The following ZNF385D variants were observed in gnomAD, a reference collection of about 807,000 sequenced individuals.
ZNF385D encodes zinc finger protein 659.
ZNF385D carries 15 observed loss-of-function variants against 35.8 expected under a neutral mutation model. The observed-to-expected ratio is 0.42, with a 90% CI of 0.28 to 0.64. ZNF385D has a LOEUF of 0.64. ZNF385D is among the 30% of genes least tolerant of loss of function. ZNF385D has a pLI of 0.23. For synonymous variants in ZNF385D, 212 were observed against 186.8 expected, an observed-to-expected ratio of 1.13 and a Z score of -1.10; for missense variants, 474 against 494.6, an observed-to-expected ratio of 0.96 and a Z score of 0.39.
chr3:22,361,150 C>T (rs1282346601), intron 2 of ZNF385D, among the ~76,000 whole-genome samples: 1 of 151,964 alleles, frequency 6.6e-6, no homozygotes, highest in African/African-American at 2.4e-5. Context: ...GATGTAAAAA[C>T]AAATTCATTG....
chr3:22,116,049 C>T (rs775648813), intron 3 of ZNF385D, among the ~76,000 whole-genome samples: 116 of 152,010 alleles, frequency 7.6e-4, no homozygotes, highest in Non-Finnish European at 1.2e-3. Flanking sequence ...TTCCTGTGTT[C>T]ATATAAAAAG....
At chr3:21,849,961 C>T (rs1292331123) in intron 3 of ZNF385D, among the ~76,000 whole-genome samples, 1 of 151,940 alleles carries the variant, frequency 6.6e-6, no homozygotes, top group Non-Finnish European at 1.5e-5. Context: ...CCATGCTAGT[C>T]TCGAACTCCT....
intron 3 of ZNF385D, among the ~76,000 whole-genome samples, chr3:21,935,270 T>A (rs1701203908): frequency 6.6e-6 from 1 of 152,150 alleles, no homozygotes; most frequent in African/African-American, 2.4e-5. Context: ...TATAAGAACA[T>A]CATTTCAATA....
At chr3:22,112,467 G>A (rs184719259) in intron 3 of ZNF385D, among the ~76,000 whole-genome samples, 10 of 152,054 alleles carry the variant, frequency 6.6e-5, no homozygotes, top group Admixed American at 2.0e-4. Context: ...TTACCAAATC[G>A]TACCAGTAAT....
At chr3:21,972,237 G>T (rs957775729) in intron 3 of ZNF385D, among the ~76,000 whole-genome samples, 1 of 151,926 alleles carries the variant, frequency 6.6e-6, no homozygotes, top group African/African-American at 2.4e-5. Context: ...AGAAGAAATT[G>T]TATCAAGTAT....
At chr3:22,288,756 G>C (rs900561566) in intron 2 of ZNF385D, among the ~76,000 whole-genome samples, 2 of 151,884 alleles carry the variant, frequency 1.3e-5, no homozygotes, top group Admixed American at 6.6e-5. Flanking sequence ...CTTTCATTTG[G>C]AACATATTTC....
intron 3 of ZNF385D, among the ~76,000 whole-genome samples, chr3:21,994,202 G>C (rs1297338991): frequency 6.6e-6 from 1 of 152,012 alleles, no homozygotes; most frequent in African/African-American, 2.4e-5. Flanking sequence ...TTTGGTGTTA[G>C]TTGGGTCATT....
intron 3 of ZNF385D, among the ~76,000 whole-genome samples, chr3:22,146,319 A>G (rs1194221258): frequency 2.6e-5 from 4 of 152,204 alleles, no homozygotes; most frequent in East Asian, 3.8e-4. Flanking sequence ...TAAGCACGCT[A>G]AAATTAAAAG....
rs574039482 is a variant in ZNF385D, at chr3:21,736,725, G to A, written c.22+14170C>T. On this transcript the variant is annotated intron_variant, in intron 1 of 7. Coordinates refer to ENST00000281523, the MANE Select transcript of ZNF385D (RefSeq NM_024697.3). ...GAAATAGAGAAGTAGACTGGGGAGG[G>A]GAGAGCAAGGACAAAAAAGCAGAAG... Among the ~76,000 whole-genome samples the A allele has an allele frequency of 9.2e-5, 14 of 152,256 alleles. No homozygotes were observed. The South Asian group carries it at 2.9e-3, about 32-fold the overall frequency.
intron 3 of ZNF385D, among the ~76,000 whole-genome samples, chr3:21,994,693 G>T (rs1695354685): frequency 6.6e-6 from 1 of 152,190 alleles, no homozygotes; most frequent in African/African-American, 2.4e-5. Flanking sequence ...CTTTTACAGG[G>T]AAAGACTTCT....
chr3:21,441,738 TC>T (rs1387811499), intron 4 of ZNF385D: 17 of 985,174 alleles, frequency 1.7e-5, no homozygotes, highest in South Asian at 1.4e-4. Flanking sequence ...CACCTTTTTT[TC>T]CCCCTGCAAA....
At chr3:21,711,907 G>C (rs2068124101) in intron 1 of ZNF385D, among the ~76,000 whole-genome samples, 1 of 152,054 alleles carries the variant, frequency 6.6e-6, no homozygotes, top group Admixed American at 6.5e-5. Context: ...TGGAATTATA[G>C]GCCAAACAAC....
At chr3:21,811,347 A>G (rs73040948) in intron 3 of ZNF385D, among the ~76,000 whole-genome samples, 12,315 of 152,154 alleles carry the variant, frequency 0.081, 678 homozygotes, top group Non-Finnish European at 0.12. Context: ...GGACTGGGAG[A>G]GGAAATATTC....
At chr3:21,865,099 G>C (rs1697275731) in intron 3 of ZNF385D, among the ~76,000 whole-genome samples, 1 of 100,144 alleles carries the variant, frequency 1.0e-5, no homozygotes, top group East Asian at 3.1e-4. Flanking sequence ...CCTACCACTT[G>C]CCGTATCTAC....
chr3:22,139,923 G>C (rs187979839), intron 3 of ZNF385D, among the ~76,000 whole-genome samples: 6 of 152,212 alleles, frequency 3.9e-5, no homozygotes. Context: ...CCATTAAAAT[G>C]GCTAAAATGA....
At chr3:21,887,866 A>G (rs1238898122) in intron 3 of ZNF385D, among the ~76,000 whole-genome samples, 4 of 152,244 alleles carry the variant, frequency 2.6e-5, no homozygotes, top group South Asian at 4.1e-4. Flanking sequence ...AATTGATAGA[A>G]TGAGTTAAAA....
Position 21,791,192 on chromosome 3 carries a change from A to C in ZNF385D, c.326-126164T>G, listed in dbSNP as rs537831003. 1.1e-4 allele frequency among the ~76,000 whole-genome samples: 16 copies of C among 152,310 alleles called. 1 individual carries two copies. The South Asian group carries it at 3.3e-3, about 32-fold the overall frequency. On this transcript the variant is annotated intron_variant, in intron 3 of 5. Transcript: ENST00000494108. The stretch of plus-strand genomic sequence containing the variant: ...TCTGTCCTTTTCTGAGGTATGTAAA[A>C]AGAACACAATGGACATTTTTTTTAA...
intron 1 of ZNF385D, among the ~76,000 whole-genome samples, chr3:21,681,316 A>AAAAACAAAAAAAAAAAAAAAAC (rs1553636419): frequency 7.1e-6 from 1 of 141,676 alleles, no homozygotes; most frequent in South Asian, 2.3e-4. Flanking sequence ...AAAAAAAAAA[A>AAAAACAAAAAAAAAAAAAAAAC]AAAAAAAACC....
In ZNF385D at chr3:21,485,381, C is replaced by G. The variant is rs145899199; in HGVS notation, c.439+25480G>C. 3.2e-3 allele frequency among the ~76,000 whole-genome samples: 486 copies of G among 152,214 alleles called. 1 individual carries two copies. Among genetic ancestry groups the G allele is most frequent in the Non-Finnish European group, 5.4e-3 (367 of 68,006 alleles). The stretch of plus-strand genomic sequence containing the variant: ...GGGCAAGCTCTACTAAATACTGGAG[C>G]CGACTTGAGAAGACAACTTGAATTG... On this transcript the variant is annotated intron_variant, in intron 4 of 7. Coordinates refer to ENST00000281523, the MANE Select transcript of ZNF385D (RefSeq NM_024697.3).
Sources: gnomAD v4.1 joint callset for allele counts (sites outside exome capture counted in the v4.1 genomes callset) on GRCh38, gnomAD v4.1.1 for gene constraint, MANE v1.5 for transcripts, NCBI Gene and HGNC (gene_info 2026-07-23, HGNC 2026-07-21) for gene names.